OR11A1: variants seen among roughly 807,000 people sequenced by gnomAD.
The protein encoded by OR11A1 is olfactory receptor 11A1.
For missense variants in OR11A1, 380 were observed against 378.2 expected, an observed-to-expected ratio of 1.00 and a Z score of -0.04; for synonymous variants, 158 against 152.2, an observed-to-expected ratio of 1.04 and a Z score of -0.28.
intron 1 of OR11A1, among the ~76,000 whole-genome samples, chr6:29,447,404 A>G (rs912877695): frequency 6.6e-6 from 1 of 152,254 alleles, no homozygotes; most frequent in Non-Finnish European, 1.5e-5. Context: ...GCTCCTAAAA[A>G]TAGTCAATTT....
In OR11A1 at chr6:29,427,638, C is replaced by A; in HGVS notation, c.4G>T (p.Glu2Ter). ...GTTTCGTTTCCTGTGGAGACAATTT[C>A]CATGTCGATCGTCCAAGTTTCTGCT... M[E>*]IVSTGNETIT... The change falls in exon 5 of 5, where the codon GAA (glutamate) becomes TAA (stop). Residue 2 changes from glutamate (E) to a stop codon, truncating the protein, a stop_gained. Transcript: ENST00000377149. LOFTEE classifies it low-confidence loss of function (END_TRUNC). 1 of 1,601,620 alleles carries A rather than the reference C, an allele frequency of 6.2e-7. No individual in the cohort carries two copies. The highest frequency in any genetic ancestry group is 8.5e-7 in the Non-Finnish European group (1 of 1,173,236).
chr6:29,432,152 A>G (rs1413032037), intron 1 of OR11A1, 165 bp from the exon 2 acceptor site: 2 of 258,510 alleles, frequency 7.7e-6, no homozygotes, highest in Non-Finnish European at 1.2e-5. Flanking sequence ...AATTGCCACA[A>G]AGGGAGAGGC....
At chr6:29,427,865 G>A in intron 4 of OR11A1, 133 bp from the exon 5 acceptor site, 1 of 701,840 alleles carries the variant, frequency 1.4e-6, no homozygotes. Flanking sequence ...TTCCTTAATT[G>A]TGCATATTCT....
intron 3 of OR11A1, 109 bp downstream of exon 3, chr6:29,430,192 C>T (rs1783140621): frequency 4.0e-6 from 3 of 741,646 alleles, no homozygotes. Flanking sequence ...CTTCCTTAAC[C>T]TAAACCCATA....
At chr6:29,437,749 A>T (rs1331424981) in intron 1 of OR11A1, among the ~76,000 whole-genome samples, 1 of 152,232 alleles carries the variant, frequency 6.6e-6, no homozygotes, top group Non-Finnish European at 1.5e-5. Flanking sequence ...AGGTTACACT[A>T]AGAGTGGACA....
intron 1 of OR11A1, chr6:29,439,930 G>A (rs1313255519): frequency 1.0e-6 from 1 of 960,824 alleles, no homozygotes; most frequent in East Asian, 2.4e-5. Context: ...TGCAGAGAGA[G>A]GTCATCTTTG....
intron 1 of OR11A1, among the ~76,000 whole-genome samples, chr6:29,434,428 A>G (rs932271356): frequency 6.6e-6 from 1 of 152,096 alleles, no homozygotes; most frequent in Non-Finnish European, 1.5e-5. Flanking sequence ...CTTTTCTTTC[A>G]CCGTTTCATG....
rs985526825 is a variant in OR11A1 at position 29,426,772 on chromosome 6, G to C, written c.870C>G (p.Ile290Met). 3 of 1,612,984 alleles carry C rather than the reference G, an allele frequency of 1.9e-6. No individual in the cohort carries two copies. The African/African-American group carries it at 4.0e-5, about 22-fold the overall frequency. ...TVVTPLFNPV[I>M]YTMRNKEVHQ... Reference sequence around the variant, plus strand: ...GCACCTCCTTGTTCCTCATGGTATAGATCACAGGATTGAAGAGAGGGGTGA... The same window carrying C: ...GCACCTCCTTGTTCCTCATGGTATACATCACAGGATTGAAGAGAGGGGTGA... Residue 290 changes from isoleucine (I) to methionine (M), a missense_variant, in exon 5 of 5, where the codon ATC (isoleucine) becomes ATG (methionine). Transcript: ENST00000377149.
chr6:29,451,449 T>C (rs1780345409), intron 1 of OR11A1, among the ~76,000 whole-genome samples: 1 of 152,114 alleles, frequency 6.6e-6, no homozygotes, highest in African/African-American at 2.4e-5. Flanking sequence ...TTGCAAACTA[T>C]GCATCTGACA....
At chr6:29,428,184 T>G in intron 4 of OR11A1, 1 of 961,508 alleles carries the variant, frequency 1.0e-6, no homozygotes, top group Non-Finnish European at 1.2e-6. Flanking sequence ...GCCCCTTTCA[T>G]TCCCCATCTC....
chr6:29,455,252 T>C (rs1000325130), intron 1 of OR11A1, among the ~76,000 whole-genome samples: 15 of 152,144 alleles, frequency 9.9e-5, no homozygotes, highest in African/African-American at 3.6e-4. Flanking sequence ...AATAGCACAG[T>C]GCATTTATTT....
intron 1 of OR11A1, chr6:29,439,810 T>C: frequency 1.7e-6 from 1 of 590,146 alleles, no homozygotes; most frequent in Non-Finnish European, 3.0e-6. Flanking sequence ...CAAATACTCA[T>C]CCAGGATCCC....
intron 2 of OR11A1, 141 bp from the exon 3 acceptor site, chr6:29,430,566 A>G: frequency 4.9e-6 from 2 of 409,226 alleles, no homozygotes; most frequent in Non-Finnish European, 6.6e-6. Flanking sequence ...TCAGAAACAG[A>G]AAGTCAAATA....
At chr6:29,440,075 C>A in intron 1 of OR11A1, 1 of 1,613,178 alleles carries the variant, frequency 6.2e-7, no homozygotes, top group Non-Finnish European at 8.5e-7. Context: ...CCCACCTGGC[C>A]GACCTCCAGG....
In OR11A1 at chr6:29,427,352, C is replaced by A. The variant is rs140118546; in HGVS notation, c.290G>T (p.Gly97Val). 2 of 1,613,100 alleles carry A rather than the reference C, an allele frequency of 1.2e-6. No homozygotes were observed. Among genetic ancestry groups the A allele is most frequent in the Non-Finnish European group, 8.5e-7 (1 of 1,180,038 alleles). ...GAAGATAAAGAACTGGAGCAAGCAACCAGCCACAGAGATAGTTGCTTCTTG... is the reference window on the plus strand; with the variant it reads ...GAAGATAAAGAACTGGAGCAAGCAAACAGCCACAGAGATAGTTGCTTCTTG... ...FLQEATISVA[G>V]CLLQFFIFGS... The change falls in exon 5 of 5, where the codon GGT becomes GTT. Residue 97 changes from glycine to valine, a missense_variant. Transcript: ENST00000377149.
chr6:29,441,559 A>T (rs535050249), intron 1 of OR11A1, among the ~76,000 whole-genome samples: 1 of 152,330 alleles, frequency 6.6e-6, no homozygotes, highest in South Asian at 2.1e-4. Flanking sequence ...TAGCTAAGTG[A>T]TCACAGGTGA....
rs772799319 is a variant in OR11A1, at chr6:29,426,862, A to G, written c.780T>C (p.Tyr260=). ...TTFYGTLMIF[Y]VAPSAVHSQL... ...GGGAATGGACAGCAGAGGGTGCAAC[A>G]TAAAAGATCATGAGCGTTCCATAGA... Residue 260 remains tyrosine, a synonymous_variant, in exon 5 of 5, where the codon TAT becomes TAC. Transcript: ENST00000377149. 21 of 1,613,122 alleles carry G rather than the reference A, an allele frequency of 1.3e-5. No individual in the cohort carries two copies. Among genetic ancestry groups the G allele is most frequent in the Admixed American group, 1.7e-5 (1 of 60,026 alleles).
chr6:29,449,680 A>G (rs1443681698), intron 1 of OR11A1, among the ~76,000 whole-genome samples: 1 of 152,090 alleles, frequency 6.6e-6, no homozygotes, highest in East Asian at 1.9e-4. Context: ...TCTGACTCCC[A>G]GGCTGGAGTT....
At chr6:29,437,626 CAT>C (rs1437881679) in intron 1 of OR11A1, among the ~76,000 whole-genome samples, 1 of 149,480 alleles carries the variant, frequency 6.7e-6, no homozygotes, top group Non-Finnish European at 1.5e-5. Context: ...TCTTTAAAGA[CAT>C]GGATATTTTT....
Sources: gnomAD v4.1 joint callset for allele counts (sites outside exome capture counted in the v4.1 genomes callset) on GRCh38, gnomAD v4.1.1 for gene constraint, MANE v1.5 for transcripts, NCBI Gene and HGNC (gene_info 2026-07-23, HGNC 2026-07-21) for gene names.